Variants in SLIT3 observed in about 807,000 individuals in gnomAD.
The protein encoded by SLIT3 is slit guidance ligand 3, also known as slit homolog 3 protein.
A neutral mutation model predicts 184.0 loss-of-function variants in SLIT3; 68 were observed. That is an observed-to-expected ratio of 0.37 (90% CI 0.30 to 0.45). The LOEUF is 0.45. SLIT3 is among the 20% of genes least tolerant of loss of function. The probability of loss-of-function intolerance (pLI) is 1.00; values close to 1 mark genes in which losing one functional copy is unlikely to be tolerated. For synonymous variants in SLIT3, 831 were observed against 828.6 expected (o/e 1.00, Z -0.05); for missense variants, 1,707 against 2,026.0 (o/e 0.84, Z 3.02).
intron 5 of SLIT3, among the ~76,000 whole-genome samples, chr5:168,872,451 C>T (rs1037260664): frequency 6.6e-6 from 1 of 152,000 alleles, no homozygotes; most frequent in Non-Finnish European, 1.5e-5. Context: ...ACATACCACA[C>T]TAAAGCAAGG....
chr5:169,228,634 C>T (rs192133437), intron 3 of SLIT3, among the ~76,000 whole-genome samples: 22 of 152,144 alleles, frequency 1.4e-4, no homozygotes, highest in African/African-American at 4.8e-4. Context: ...TTGGTCTCTG[C>T]GCCTCTAAAA....
intron 23 of SLIT3, among the ~76,000 whole-genome samples, chr5:168,714,974 G>A (rs1219270870): frequency 1.3e-5 from 2 of 152,190 alleles, no homozygotes; most frequent in Non-Finnish European, 2.9e-5. Context: ...TGGGCTGCGC[G>A]AACCTTGGGT....
chr5:169,169,719 G>A (rs190768228), intron 4 of SLIT3, among the ~76,000 whole-genome samples: 41 of 152,348 alleles, frequency 2.7e-4, no homozygotes, highest in Non-Finnish European at 4.7e-4. Context: ...CTAAGACTTG[G>A]AGACAAGAGA....
intron 4 of SLIT3, among the ~76,000 whole-genome samples, chr5:169,121,505 A>G (rs1760871633): frequency 6.6e-6 from 1 of 152,146 alleles, no homozygotes; most frequent in East Asian, 1.9e-4. Flanking sequence ...GTCCTGTCAA[A>G]ACTCAGAAGG....
chr5:168,689,662 T>G (rs1263065721), intron 29 of SLIT3, among the ~76,000 whole-genome samples: 1 of 152,260 alleles, frequency 6.6e-6, no homozygotes, highest in African/African-American at 2.4e-5. Flanking sequence ...AGGTAGTATC[T>G]GCCCTTCATT....
intron 5 of SLIT3, among the ~76,000 whole-genome samples, chr5:168,873,264 T>C (rs1307840171): frequency 6.6e-6 from 1 of 152,148 alleles, no homozygotes; most frequent in Non-Finnish European, 1.5e-5. Flanking sequence ...AAGCCTCAAT[T>C]TCCACCTCTA....
chr5:168,970,463 C>G (rs964759767), intron 4 of SLIT3, among the ~76,000 whole-genome samples: 1 of 151,440 alleles, frequency 6.6e-6, no homozygotes, highest in Non-Finnish European at 1.5e-5. Flanking sequence ...CCACTGCACT[C>G]CAGCCTGGGC....
chr5:169,098,203 C>T (rs892059383), intron 4 of SLIT3, among the ~76,000 whole-genome samples: 1 of 152,112 alleles, frequency 6.6e-6, no homozygotes, highest in Non-Finnish European at 1.5e-5. Flanking sequence ...CGAATTACTC[C>T]AGGAAGAACT....
At chr5:168,759,085 T>C (rs565152015) in intron 16 of SLIT3, among the ~76,000 whole-genome samples, 18 of 152,194 alleles carry the variant, frequency 1.2e-4, no homozygotes, top group Non-Finnish European at 2.2e-4. Context: ...TCTCATTGTG[T>C]ACATGTAAAC....
chr5:169,185,903 C>T (rs944507345), intron 4 of SLIT3, among the ~76,000 whole-genome samples: 2 of 152,206 alleles, frequency 1.3e-5, no homozygotes. Context: ...TCAACTTTGG[C>T]TCAGCCAGTT....
At chr5:168,833,132 AG>A (rs921487182) in intron 6 of SLIT3, among the ~76,000 whole-genome samples, 1 of 152,180 alleles carries the variant, frequency 6.6e-6, no homozygotes, top group African/African-American at 2.4e-5. Flanking sequence ...TCTAAAGGTA[AG>A]ACTGTTTTCC....
chr5:169,128,714 G>A (rs1371358694), intron 4 of SLIT3, among the ~76,000 whole-genome samples: 1 of 152,172 alleles, frequency 6.6e-6, no homozygotes, highest in Non-Finnish European at 1.5e-5. Flanking sequence ...ACAGGTGTGA[G>A]CCACCGCGCC....
intron 12 of SLIT3, among the ~76,000 whole-genome samples, chr5:168,783,397 A>C (rs775497074): frequency 6.6e-6 from 1 of 151,936 alleles, no homozygotes. Flanking sequence ...CAAGTTTGAT[A>C]GGATGGCCAA....
chr5:168,939,019 C>T (rs1762251229), intron 4 of SLIT3, among the ~76,000 whole-genome samples: 1 of 152,126 alleles, frequency 6.6e-6, no homozygotes, highest in Non-Finnish European at 1.5e-5. Context: ...AGATCCACTG[C>T]AGGACAATGA....
intron 4 of SLIT3, among the ~76,000 whole-genome samples, chr5:169,005,716 A>G (rs1755895246): frequency 6.6e-6 from 1 of 152,224 alleles, no homozygotes. Context: ...TATGTTCCAG[A>G]CACTTTATAC....
At chr5:168,852,468 G>A (rs570585842) in intron 5 of SLIT3, among the ~76,000 whole-genome samples, 3 of 152,166 alleles carry the variant, frequency 2.0e-5, no homozygotes, top group Admixed American at 1.3e-4. Context: ...GGAGGTCAGT[G>A]CCCAGGTGAG....
At chr5:169,078,065 G>C (rs557673533) in intron 4 of SLIT3, among the ~76,000 whole-genome samples, 1 of 151,978 alleles carries the variant, frequency 6.6e-6, no homozygotes. Flanking sequence ...TACTTTCTAG[G>C]GGCATGATCT....
intron 20 of SLIT3, among the ~76,000 whole-genome samples, chr5:168,730,999 G>A (rs982407932): frequency 7.9e-5 from 12 of 151,726 alleles, no homozygotes; most frequent in African/African-American, 2.9e-4. Context: ...AGAAAAAGTT[G>A]GTTCTTCAAA....
intron 4 of SLIT3, among the ~76,000 whole-genome samples, chr5:169,056,040 A>T (rs1479083984): frequency 6.6e-6 from 1 of 152,020 alleles, no homozygotes; most frequent in African/African-American, 2.4e-5. Context: ...TTGAATATAG[A>T]TTATAGAGGG....
Sources: gnomAD v4.1 joint callset for allele counts (sites outside exome capture counted in the v4.1 genomes callset) on GRCh38, gnomAD v4.1.1 for gene constraint, MANE v1.5 for transcripts, NCBI Gene and HGNC (gene_info 2026-07-23, HGNC 2026-07-21) for gene names.